Variants in ASB15 observed in about 807,000 individuals in gnomAD.
ASB15 encodes ankyrin repeat and SOCS box protein 15.
ASB15 carries 54 observed loss-of-function variants against 58.0 expected under a neutral mutation model. The ratio of observed to expected loss-of-function variants is 0.93; its 90% confidence interval spans 0.75 to 1.17. ASB15 has a LOEUF of 1.17. ASB15 is among the 50% of genes most tolerant of loss of function. The probability of loss-of-function intolerance (pLI) is 0.00; values close to 1 mark genes in which losing one functional copy is unlikely to be tolerated. For missense variants in ASB15, 680 were observed against 707.4 expected, an observed-to-expected ratio of 0.96 and a Z score of 0.44; for synonymous variants, 249 against 262.4, an observed-to-expected ratio of 0.95 and a Z score of 0.50.
At chr7:123,576,430 C>T (rs925437845) in intron 1 of ASB15, among the ~76,000 whole-genome samples, 5 of 151,946 alleles carry the variant, frequency 3.3e-5, no homozygotes, top group Non-Finnish European at 7.4e-5. Context: ...GTGATTCATA[C>T]GTTGAAAAGT....
chr7:123,610,459 T>C (rs1319745567), intron 3 of ASB15, among the ~76,000 whole-genome samples: 1 of 152,242 alleles, frequency 6.6e-6, no homozygotes, highest in Non-Finnish European at 1.5e-5. Context: ...ACTATCTGAA[T>C]TAAGGATTTA....
At chr7:123,570,807 T>C (rs1030125596) in intron 1 of ASB15, among the ~76,000 whole-genome samples, 2 of 152,184 alleles carry the variant, frequency 1.3e-5, no homozygotes, top group Non-Finnish European at 2.9e-5. Flanking sequence ...CCATTACCAC[T>C]GCATTTATAT....
chr7:123,598,677 A>G (rs1799778423), upstream of ASB15: 1 of 152,198 alleles, frequency 6.6e-6, no homozygotes, highest in African/African-American at 2.4e-5. Context: ...TTACTAGACA[A>G]AGTGAACTTT....
At chr7:123,572,543 G>A (rs1180177511) in intron 1 of ASB15, among the ~76,000 whole-genome samples, 5 of 151,122 alleles carry the variant, frequency 3.3e-5, no homozygotes, top group African/African-American at 7.3e-5. Context: ...TTTACCAATC[G>A]TAAAGATTGA....
chr7:123,595,559 T>C (rs957113059), intron 1 of ASB15, among the ~76,000 whole-genome samples: 3 of 152,198 alleles, frequency 2.0e-5, no homozygotes, highest in South Asian at 2.1e-4. Flanking sequence ...TTCATTTTCT[T>C]ACTTATGTAA....
chr7:123,594,875 T>TGTGGA (rs1426110757), intron 1 of ASB15, among the ~76,000 whole-genome samples: 1 of 152,222 alleles, frequency 6.6e-6, no homozygotes, highest in Non-Finnish European at 1.5e-5. Context: ...TTTGTTCAGA[T>TGTGGA]AGGCCCTGCC....
chr7:123,584,224 A>G lies in ASB15; in HGVS notation c.-443+17136A>G, dbSNP rs536173855. 2.7e-5 allele frequency among the ~76,000 whole-genome samples: 4 copies of G among 149,756 alleles called. No individual in the cohort carries two copies. The South Asian group carries it at 8.4e-4, about 32-fold the overall frequency. On this transcript the variant is annotated intron_variant, in intron 1 of 13. Coordinates refer to the ASB15 transcript ENST00000451558. The stretch of plus-strand genomic sequence containing the variant: ...ATGATCCAAACTGAGTTCCAGGAGG[A>G]TCACTGAAGCCCAGGTAATCAAGGC...
intron 1 of ASB15, among the ~76,000 whole-genome samples, chr7:123,586,995 A>G (rs969337148): frequency 2.0e-5 from 3 of 151,574 alleles, no homozygotes; most frequent in African/African-American, 7.3e-5. Context: ...TTTGAATTGT[A>G]TTATAATTTG....
intron 7 of ASB15, 55 bp downstream of exon 7, chr7:123,617,792 T>C: frequency 6.6e-7 from 1 of 1,505,524 alleles, no homozygotes. Flanking sequence ...AATAAGTATT[T>C]ATTGGAAACC....
intron 8 of ASB15, chr7:123,625,056 G>A (rs1801686585): frequency 2.1e-6 from 1 of 478,864 alleles, no homozygotes; most frequent in South Asian, 2.4e-5. Context: ...TCTCTCGAGA[G>A]ACAGTTCAAT....
intron 7 of ASB15, among the ~76,000 whole-genome samples, chr7:123,619,680 C>T (rs1008838847): frequency 1.3e-5 from 2 of 152,080 alleles, no homozygotes; most frequent in Non-Finnish European, 2.9e-5. Flanking sequence ...CCCGCCACCA[C>T]GCCCAGCTAA....
At chr7:123,590,872 C>T (rs1322401801) in intron 1 of ASB15, among the ~76,000 whole-genome samples, 1 of 152,110 alleles carries the variant, frequency 6.6e-6, no homozygotes, top group African/African-American at 2.4e-5. Flanking sequence ...GGCATTGAAT[C>T]TATAAATTAC....
intron 1 of ASB15, among the ~76,000 whole-genome samples, chr7:123,571,440 C>T (rs1798904298): frequency 6.6e-6 from 1 of 151,990 alleles, no homozygotes; most frequent in Admixed American, 6.6e-5. Context: ...CATTAATCAC[C>T]CTGTGAAAGT....
Position 123,637,878 on chromosome 7 carries a change from T to TAAAAAAAAAAAAAACAAA in ASB15, c.*911_*912insCAAAAAAAAAAAAAAAAA, listed in dbSNP as rs1802500634. 1.9e-5 allele frequency: 1 copy of TAAAAAAAAAAAAAACAAA among 52,468 alleles called. No homozygotes were observed. Among genetic ancestry groups the TAAAAAAAAAAAAAACAAA allele is most frequent in the Non-Finnish European group, 3.7e-5 (1 of 26,694 alleles). 3.3% of individuals were successfully genotyped at this position (52,468 alleles called of 1,614,324 possible). A position where few individuals can be genotyped will look rare whatever the true frequency, so the allele number is the denominator to read the frequency against. On this transcript the variant is annotated 3_prime_UTR_variant, in exon 12 of 12. Transcript: ENST00000451215. Reference sequence around the variant, plus strand: ...AAATTCAACATGTCCCCAGATGAACTAAAAAAAAAAAAAAAAAAAAAACCT... The same window carrying TAAAAAAAAAAAAAACAAA: ...AAATTCAACATGTCCCCAGATGAACTAAAAAAAAAAAAAACAAAAAAAAAAAAAAAAAAAAAAAAACCT...
In ASB15 at chr7:123,595,551, C is replaced by A. The variant is rs115723283; in HGVS notation, c.-442-8481C>A. Among the ~76,000 whole-genome samples the A allele has an allele frequency of 3.2e-3, 487 of 152,298 alleles. 3 individuals are homozygous for A. The highest frequency in any genetic ancestry group is 0.011 in the African/African-American group (460 of 41,560). On this transcript the variant is annotated intron_variant, in intron 1 of 13. Transcript: ENST00000451558. Reference sequence around the variant, plus strand: ...TTTCTTCACAGAGTTTACCACAATTCATTTTCTTACTTATGTAACATTCAC... The same window carrying A: ...TTTCTTCACAGAGTTTACCACAATTAATTTTCTTACTTATGTAACATTCAC...
chr7:123,620,507 CATATATATATATATATATATATATATAT>C lies in ASB15; in HGVS notation c.451+2791_451+2818del, dbSNP rs1395766241. ...ACTAGTAATGTGACACATATACATA[CATATATATATATATATATATATATATAT>C]ATATATATATATATATATATTTTTT... On this transcript the variant is annotated intron_variant, in intron 7 of 11. Transcript: ENST00000451215. 4.7e-4 allele frequency among the ~76,000 whole-genome samples: 14 copies of C among 29,632 alleles called. 2 individuals are homozygous for C. Among genetic ancestry groups the C allele is most frequent in the Non-Finnish European group, 4.4e-4 (8 of 18,004 alleles). 19.4% of individuals were successfully genotyped at this position (29,632 alleles called of 152,430 possible). A position where few individuals can be genotyped will look rare whatever the true frequency, so the allele number is the denominator to read the frequency against.
At chr7:123,588,088 G>A (rs569232015) in intron 1 of ASB15, among the ~76,000 whole-genome samples, 1 of 151,876 alleles carries the variant, frequency 6.6e-6, no homozygotes, top group Admixed American at 6.6e-5. Flanking sequence ...TCAACTTTTT[G>A]CAAGAGTTTG....
At chr7:123,634,167 A>G (rs541484566) in intron 11 of ASB15, among the ~76,000 whole-genome samples, 17 of 152,190 alleles carry the variant, frequency 1.1e-4, no homozygotes, top group East Asian at 7.7e-4. Context: ...TCCAGCATCC[A>G]TTAGCTATTC....
At chr7:123,596,049 T>C (rs1799682242) in intron 1 of ASB15, among the ~76,000 whole-genome samples, 1 of 152,204 alleles carries the variant, frequency 6.6e-6, no homozygotes, top group Admixed American at 6.5e-5. Flanking sequence ...ACTTTGGGAA[T>C]ATTCAGAATA....
Sources: gnomAD v4.1 joint callset for allele counts (sites outside exome capture counted in the v4.1 genomes callset) on GRCh38, gnomAD v4.1.1 for gene constraint, MANE v1.5 for transcripts, NCBI Gene and HGNC (gene_info 2026-07-23, HGNC 2026-07-21) for gene names.